The following KPNA6 variants were observed in gnomAD, a reference collection of about 807,000 sequenced individuals.
KPNA6 encodes karyopherin subunit alpha 6.
In KPNA6, 9 loss-of-function variants were observed where a neutral mutation model predicts 72.0. The observed-to-expected ratio is 0.13, with a 90% CI of 0.08 to 0.22. The LOEUF (loss-of-function observed/expected upper bound fraction) is 0.22, where lower values mean the gene tolerates loss of function less well. KPNA6 is among the 10% of genes least tolerant of loss of function. The pLI, the probability that KPNA6 is intolerant of heterozygous loss-of-function variation, is 1.00. For missense variants in KPNA6, 374 were observed against 655.7 expected (o/e 0.57, Z 4.69); for synonymous variants, 219 against 242.1 (o/e 0.90, Z 0.89).
At chr1:32,158,018 T>C (rs1171463553) in intron 4 of KPNA6, among the ~76,000 whole-genome samples, 1 of 152,218 alleles carries the variant, frequency 6.6e-6, no homozygotes, top group Non-Finnish European at 1.5e-5. Context: ...CCCACACCTT[T>C]CTTTGCTTAC....
At chr1:32,157,274 C>A in intron 3 of KPNA6, 72 bp from the exon 4 acceptor site, 1 of 1,149,286 alleles carries the variant, frequency 8.7e-7, no homozygotes, top group Non-Finnish European at 1.3e-6. Flanking sequence ...AACAGGATGC[C>A]AAGCAGTATT....
At chr1:32,113,274 T>C (rs1444019792) in intron 1 of KPNA6, among the ~76,000 whole-genome samples, 2 of 151,920 alleles carry the variant, frequency 1.3e-5, no homozygotes, top group African/African-American at 4.8e-5. Context: ...GTGACTGTAG[T>C]CCCAGCTACT....
chr1:32,114,922 CCT>C (rs1641301809), intron 1 of KPNA6, among the ~76,000 whole-genome samples: 2 of 152,170 alleles, frequency 1.3e-5, no homozygotes, highest in South Asian at 4.1e-4. Context: ...CTCACTGCAG[CCT>C]CTGTCTCCCG....
intron 1 of KPNA6, among the ~76,000 whole-genome samples, chr1:32,138,323 T>A (rs1449730313): frequency 1.3e-5 from 2 of 151,132 alleles, no homozygotes; most frequent in Non-Finnish European, 2.9e-5. Context: ...GGCGGGTGGA[T>A]CATCTGAGAT....
intron 1 of KPNA6, among the ~76,000 whole-genome samples, chr1:32,119,387 C>A (rs1641392328): frequency 6.6e-6 from 1 of 151,960 alleles, no homozygotes; most frequent in Admixed American, 6.6e-5. Context: ...GAGTGGAGGA[C>A]AGGAACATAT....
In KPNA6 at chr1:32,115,064, T is replaced by A. The variant is rs528023997; in HGVS notation, c.4+6930T>A. Reference sequence around the variant, plus strand: ...CGTGTTGGCCAGGCTGGTCTCGAACTCCTGACCTCAAGTGATCCGCCCACC... The same window carrying A: ...CGTGTTGGCCAGGCTGGTCTCGAACACCTGACCTCAAGTGATCCGCCCACC... On this transcript the variant is annotated intron_variant, in intron 1 of 13. Coordinates refer to ENST00000373625, the MANE Select transcript of KPNA6 (RefSeq NM_012316.5). Among the ~76,000 whole-genome samples, 457 of 152,266 alleles carry A rather than the reference T, an allele frequency of 3.0e-3. 4 individuals are homozygous for A. The highest frequency in any genetic ancestry group is 8.1e-3 in the Admixed American group (124 of 15,286).
intron 9 of KPNA6, 40 bp downstream of exon 9, chr1:32,162,564 C>A: frequency 6.2e-7 from 1 of 1,608,496 alleles, no homozygotes; most frequent in Non-Finnish European, 8.5e-7. Context: ...TGGCTGGGCA[C>A]GGTGGCTTAT....
chr1:32,127,059 T>G (rs1325855841), intron 1 of KPNA6, among the ~76,000 whole-genome samples: 1 of 152,140 alleles, frequency 6.6e-6, no homozygotes, highest in Non-Finnish European at 1.5e-5. Flanking sequence ...TCACATTACC[T>G]CCTTAATCCT....
intron 1 of KPNA6, among the ~76,000 whole-genome samples, chr1:32,145,250 C>A (rs549210498): frequency 2.6e-5 from 4 of 151,928 alleles, no homozygotes; most frequent in Admixed American, 2.0e-4. Context: ...TGAGCCACCA[C>A]GCCTGGCCAA....
chr1:32,143,583 A>G lies in KPNA6; in HGVS notation c.5-11005A>G, dbSNP rs1641877742. 2.7e-5 allele frequency among the ~76,000 whole-genome samples: 4 copies of G among 148,226 alleles called. No individual in the cohort carries two copies. In the South Asian group the frequency reaches 8.8e-4, roughly 33 times the overall value. On this transcript the variant is annotated intron_variant, in intron 1 of 13. Transcript: ENST00000373625. ...GCAAGATTCTGTCTTAAAAAAAAAA[A>G]AAAGAAAAGAAAAAAAAATTATTAG...
chr1:32,133,966 G>A (rs1406424985), intron 1 of KPNA6, among the ~76,000 whole-genome samples: 2 of 152,134 alleles, frequency 1.3e-5, no homozygotes, highest in African/African-American at 2.4e-5. Flanking sequence ...CTTGAGGCCA[G>A]GCGTGGTGGC....
chr1:32,158,169 G>A, intron 4 of KPNA6, 98 bp from the exon 5 acceptor site: 1 of 708,742 alleles, frequency 1.4e-6, no homozygotes, highest in East Asian at 2.5e-5. Context: ...GTTTGTAAGG[G>A]TGGTCAGAAG....
chr1:32,168,045 G>A (rs1007138087), intron 12 of KPNA6, among the ~76,000 whole-genome samples: 1 of 151,992 alleles, frequency 6.6e-6, no homozygotes, highest in Admixed American at 6.6e-5. Flanking sequence ...GCGTGTGCCC[G>A]TGGCCACAGC....
At chr1:32,152,662 G>C (rs898758326) in intron 1 of KPNA6, among the ~76,000 whole-genome samples, 1 of 151,878 alleles carries the variant, frequency 6.6e-6, no homozygotes, top group Non-Finnish European at 1.5e-5. Flanking sequence ...TGGCTAACAT[G>C]GTGAAACCCC....
At chr1:32,128,530 T>G (rs1393509873) in intron 1 of KPNA6, among the ~76,000 whole-genome samples, 1 of 150,806 alleles carries the variant, frequency 6.6e-6, no homozygotes, top group African/African-American at 2.4e-5. Flanking sequence ...CCAGTGGCCT[T>G]TAGCTAAACC....
chr1:32,143,089 C>A, intron 1 of KPNA6: 3 of 965,804 alleles, frequency 3.1e-6, no homozygotes, highest in Non-Finnish European at 2.9e-6. Context: ...GTTAGTCTCA[C>A]AGGGATAATC....
chr1:32,119,719 C>T (rs1333660873), intron 1 of KPNA6, among the ~76,000 whole-genome samples: 10 of 150,868 alleles, frequency 6.6e-5, no homozygotes. Flanking sequence ...CAATTCCTCT[C>T]CCTCTTGAAG....
chr1:32,167,066 A>T (rs1210603574), intron 11 of KPNA6, 103 bp from the exon 12 acceptor site: 1 of 1,423,930 alleles, frequency 7.0e-7, no homozygotes, highest in Admixed American at 2.0e-5. Flanking sequence ...AAACTCCCAG[A>T]ATGGGGAAGA....
intron 5 of KPNA6, among the ~76,000 whole-genome samples, chr1:32,158,905 T>C (rs1173392182): frequency 1.3e-5 from 2 of 152,228 alleles, no homozygotes; most frequent in Non-Finnish European, 2.9e-5. Flanking sequence ...TCAGAGGCTA[T>C]AGTCCACTAC....
Sources: allele counts gnomAD v4.1 joint callset (sites outside exome capture counted in the v4.1 genomes callset), GRCh38; gene constraint gnomAD v4.1.1; transcripts MANE v1.5; gene names NCBI Gene and HGNC (gene_info 2026-07-23, HGNC 2026-07-21).